Variants in CTNNA3 observed in about 807,000 individuals in gnomAD.
CTNNA3 encodes the protein catenin alpha-3.
CTNNA3 carries 76 observed loss-of-function variants against 95.7 expected under a neutral mutation model. The observed-to-expected ratio is 0.79, with a 90% CI of 0.66 to 0.96. The LOEUF (loss-of-function observed/expected upper bound fraction) is 0.96. Among genes scored for constraint, CTNNA3 ranks in the 40% least tolerant of loss-of-function variants. CTNNA3 has a pLI of 0.00. For missense variants in CTNNA3, 1,191 were observed against 1,089.8 expected (o/e 1.09, Z -1.31); for synonymous variants, 431 against 374.4 (o/e 1.15, Z -1.74).
At chr10:67,670,925 C>G (rs1840419327) in intron 1 of CTNNA3, among the ~76,000 whole-genome samples, 1 of 152,062 alleles carries the variant, frequency 6.6e-6, no homozygotes, top group Non-Finnish European at 1.5e-5. Context: ...TATTTCCCAT[C>G]TCTTTCTACT....
chr10:67,532,032 G>A (rs1211757724), intron 4 of CTNNA3, among the ~76,000 whole-genome samples: 2 of 151,942 alleles, frequency 1.3e-5, no homozygotes, highest in African/African-American at 4.8e-5. Context: ...CACAATCATG[G>A]AATCCACATG....
chr10:66,655,586 C>T (rs981245791), intron 9 of CTNNA3, among the ~76,000 whole-genome samples: 2 of 151,938 alleles, frequency 1.3e-5, no homozygotes, highest in African/African-American at 4.8e-5. Flanking sequence ...GGAATGAATG[C>T]AGTATGATTA....
chr10:66,001,234 A>C (rs2133364879), intron 15 of CTNNA3, among the ~76,000 whole-genome samples: 1 of 152,032 alleles, frequency 6.6e-6, no homozygotes, highest in East Asian at 1.9e-4. Context: ...AGATATTATT[A>C]CTTCTTTCTG....
chr10:67,381,629 T>C (rs1843951441), intron 5 of CTNNA3, among the ~76,000 whole-genome samples: 1 of 152,158 alleles, frequency 6.6e-6, no homozygotes, highest in Non-Finnish European at 1.5e-5. Context: ...ATATAAAAAA[T>C]AGTACATTTT....
chr10:66,795,710 G>A (rs1251686689), intron 7 of CTNNA3, among the ~76,000 whole-genome samples: 6 of 152,144 alleles, frequency 3.9e-5, no homozygotes, highest in Admixed American at 3.3e-4. Context: ...CTTCTTCCAT[G>A]AGACTATTTT....
chr10:66,900,646 T>C (rs956400020), intron 7 of CTNNA3, among the ~76,000 whole-genome samples: 4 of 152,074 alleles, frequency 2.6e-5, no homozygotes, highest in African/African-American at 9.7e-5. Flanking sequence ...GTTAGATGAA[T>C]GGCTAACTAG....
chr10:66,792,909 T>C lies in CTNNA3; in HGVS notation c.1048-17385A>G, dbSNP rs146933984. 4.7e-4 allele frequency among the ~76,000 whole-genome samples: 71 copies of C among 152,268 alleles called. No homozygotes were observed. The East Asian group carries it at 0.013, about 27-fold the overall frequency. On this transcript the variant is annotated intron_variant, in intron 7 of 17. Coordinates refer to ENST00000433211, the MANE Select transcript of CTNNA3 (RefSeq NM_013266.4). ...AAGTTTACAGAGATGTTGAAGTGTT[T>C]TCAATTATGGCTTTTTATTGGCCAG...
chr10:67,309,829 C>A (rs779085340), intron 5 of CTNNA3, among the ~76,000 whole-genome samples: 2 of 152,062 alleles, frequency 1.3e-5, no homozygotes, highest in African/African-American at 2.4e-5. Flanking sequence ...CCAAAAGGAG[C>A]AGAATTATAC....
At chr10:66,370,961 A>T (rs1490248902) in intron 12 of CTNNA3, among the ~76,000 whole-genome samples, 1 of 152,060 alleles carries the variant, frequency 6.6e-6, no homozygotes, top group Non-Finnish European at 1.5e-5. Context: ...GGGTTCAAGC[A>T]GTCCTCTCAC....
At position 67,294,699 on chromosome 10, in the gene CTNNA3, TTTTACTGGGGG is replaced by T. The variant is rs1839966951; in HGVS notation, c.580-74840_580-74830del. Among the ~76,000 whole-genome samples the T allele has an allele frequency of 3.3e-5, 5 of 152,276 alleles. No homozygotes were observed. The East Asian group carries it at 5.8e-4, about 18-fold the overall frequency. ...CAGTTAAATCAATCTCAGTGATCTC[TTTTACTGGGGG>T]AAAGTACTGATTTGATTTATAAAAG... On this transcript the variant is annotated intron_variant, in intron 5 of 17. Coordinates refer to ENST00000433211, the MANE Select transcript of CTNNA3 (RefSeq NM_013266.4).
At chr10:66,357,035 C>T (rs569219477) in intron 12 of CTNNA3, among the ~76,000 whole-genome samples, 45 of 152,088 alleles carry the variant, frequency 3.0e-4, no homozygotes, top group Non-Finnish European at 4.7e-4. Flanking sequence ...TTTGCATCTA[C>T]GTTCATGAGA....
intron 12 of CTNNA3, among the ~76,000 whole-genome samples, chr10:66,292,217 C>A (rs1462859653): frequency 6.6e-6 from 1 of 152,050 alleles, no homozygotes; most frequent in African/African-American, 2.4e-5. Context: ...CATGTTCAAT[C>A]AATCAATCAC....
intron 10 of CTNNA3, among the ~76,000 whole-genome samples, chr10:66,555,201 C>A (rs1842352554): frequency 6.6e-6 from 1 of 152,108 alleles, no homozygotes; most frequent in East Asian, 1.9e-4. Flanking sequence ...AGGTCCCAGC[C>A]AAAAAACAAA....
At chr10:65,977,356 T>TA (rs979664498) in intron 16 of CTNNA3, among the ~76,000 whole-genome samples, 38 of 152,144 alleles carry the variant, frequency 2.5e-4, no homozygotes, top group Middle Eastern at 3.4e-3. Context: ...AGGAAAAATG[T>TA]AAAAAAAATT....
intron 16 of CTNNA3, among the ~76,000 whole-genome samples, chr10:65,986,920 G>A (rs766411866): frequency 6.6e-6 from 1 of 151,026 alleles, no homozygotes; most frequent in Non-Finnish European, 1.5e-5. Flanking sequence ...CATATTTATA[G>A]CCAACTGATT....
intron 17 of CTNNA3, among the ~76,000 whole-genome samples, chr10:65,934,405 C>T (rs2077304434): frequency 6.6e-6 from 1 of 152,070 alleles, no homozygotes; most frequent in African/African-American, 2.4e-5. Context: ...ATGCTGTGGG[C>T]ACTCGGTGTA....
intron 7 of CTNNA3, among the ~76,000 whole-genome samples, chr10:66,887,552 C>T (rs1845090802): frequency 6.6e-6 from 1 of 151,998 alleles, no homozygotes; most frequent in Non-Finnish European, 1.5e-5. Flanking sequence ...CTTTCTCCAA[C>T]CTTAACAATT....
At chr10:67,399,550 T>G (rs1164408762) in intron 5 of CTNNA3, among the ~76,000 whole-genome samples, 1 of 152,218 alleles carries the variant, frequency 6.6e-6, no homozygotes, top group Non-Finnish European at 1.5e-5. Context: ...CTGGGCATTT[T>G]ATGCTTTCTC....
chr10:66,020,465 G>A (rs886317938), intron 15 of CTNNA3, among the ~76,000 whole-genome samples: 3 of 152,298 alleles, frequency 2.0e-5, no homozygotes, highest in African/African-American at 7.2e-5. Flanking sequence ...TAGGGCACCT[G>A]TATTCTCAAC....
Sources: allele counts gnomAD v4.1 joint callset (sites outside exome capture counted in the v4.1 genomes callset), GRCh38; gene constraint gnomAD v4.1.1; transcripts MANE v1.5; gene names NCBI Gene and HGNC (gene_info 2026-07-23, HGNC 2026-07-21).